The following CHRM2 variants were observed in gnomAD, a reference collection of about 807,000 sequenced individuals.
CHRM2 encodes the protein muscarinic acetylcholine receptor M2.
A neutral mutation model predicts 25.0 loss-of-function variants in CHRM2; 8 were observed. The ratio of observed to expected loss-of-function variants is 0.32; its 90% confidence interval spans 0.19 to 0.58. The LOEUF (loss-of-function observed/expected upper bound fraction) is 0.58. Among genes scored for constraint, CHRM2 ranks in the 20% least tolerant of loss-of-function variants. The probability of loss-of-function intolerance (pLI) is 0.88; values close to 1 mark genes in which losing one functional copy is unlikely to be tolerated. For synonymous variants in CHRM2, 202 were observed against 205.7 expected, an observed-to-expected ratio of 0.98 and a Z score of 0.15; for missense variants, 440 against 567.1, an observed-to-expected ratio of 0.78 and a Z score of 2.28.
intron 2 of CHRM2, among the ~76,000 whole-genome samples, chr7:136,959,710 G>A (rs949650121): frequency 7.2e-5 from 11 of 152,126 alleles, no homozygotes; most frequent in East Asian, 1.9e-4. Flanking sequence ...TCGGGAGTTC[G>A]AGACCAGCCT....
At chr7:136,901,109 C>T (rs923610986) in intron 2 of CHRM2, among the ~76,000 whole-genome samples, 2 of 152,068 alleles carry the variant, frequency 1.3e-5, no homozygotes, top group Non-Finnish European at 2.9e-5. Flanking sequence ...TTTCTTCCTG[C>T]AAGCCAGTAG....
At chr7:136,990,936 T>C (rs60161367) in intron 2 of CHRM2, among the ~76,000 whole-genome samples, 9,038 of 152,224 alleles carry the variant, frequency 0.059, 290 homozygotes, top group African/African-American at 0.085. Flanking sequence ...GTAGTAGTTA[T>C]CTCATTGTCT....
chr7:136,896,701 A>G (rs996334160), intron 2 of CHRM2, among the ~76,000 whole-genome samples: 1 of 152,180 alleles, frequency 6.6e-6, no homozygotes, highest in African/African-American at 2.4e-5. Flanking sequence ...AAGAATCACA[A>G]GAAGCGAGAA....
intron 3 of CHRM2, among the ~76,000 whole-genome samples, chr7:136,999,753 C>A (rs1461868725): frequency 6.6e-6 from 1 of 152,186 alleles, no homozygotes; most frequent in African/African-American, 2.4e-5. Flanking sequence ...ACAGATACTT[C>A]TGTTCCCAAC....
chr7:136,991,259 T>C (rs1803207504), intron 2 of CHRM2, among the ~76,000 whole-genome samples: 4 of 152,152 alleles, frequency 2.6e-5, no homozygotes, highest in Admixed American at 2.6e-4. Context: ...TTTTATAGCT[T>C]TGCATTTTAC....
intron 2 of CHRM2, among the ~76,000 whole-genome samples, chr7:136,924,487 T>A (rs952095791): frequency 6.6e-6 from 1 of 152,136 alleles, no homozygotes; most frequent in Non-Finnish European, 1.5e-5. Flanking sequence ...TTGTGATAGT[T>A]TGCTGAGAAT....
intron 2 of CHRM2, among the ~76,000 whole-genome samples, chr7:136,892,767 T>G (rs1422115864): frequency 6.6e-6 from 1 of 151,992 alleles, no homozygotes; most frequent in Non-Finnish European, 1.5e-5. Flanking sequence ...CCCCCTGGGT[T>G]CCATCGATTC....
Position 137,018,297 on chromosome 7 carries a change from A to C in CHRM2, c.*2031A>C, listed in dbSNP as rs1467623085. On this transcript the variant is annotated 3_prime_UTR_variant, in exon 4 of 4. Transcript: ENST00000680005. ...CCTTCGTAAAAACAATTTCCTGTTTAAATAACTTCAGTCATTACCCCCCCA... is the reference window on the plus strand; with the variant it reads ...CCTTCGTAAAAACAATTTCCTGTTTCAATAACTTCAGTCATTACCCCCCCA... The C allele has an allele frequency of 6.6e-6, 1 of 151,942 alleles. No homozygotes were observed. Among genetic ancestry groups the C allele is most frequent in the East Asian group, 1.9e-4 (1 of 5,156 alleles). The allele number at this position is 151,942 out of a possible 1,614,324, so 9.4% of individuals were successfully genotyped here. A position where few individuals can be genotyped will look rare whatever the true frequency, so the allele number is the denominator to read the frequency against.
At position 137,016,364 on chromosome 7, in the gene CHRM2, T is replaced by C; in HGVS notation, c.*98T>C. 8.1e-7 allele frequency: 1 copy of C among 1,237,462 alleles called. No homozygotes were observed. The highest frequency in any genetic ancestry group is 2.4e-5 in the East Asian group (1 of 40,922). 76.7% of individuals were successfully genotyped at this position (1,237,462 alleles called of 1,614,324 possible). ...TTTTAAAATCTCTGCCATTGCACTTTATAGTCTGATTACAAAACGTGCAAT... is the reference window on the plus strand; with the variant it reads ...TTTTAAAATCTCTGCCATTGCACTTCATAGTCTGATTACAAAACGTGCAAT... On this transcript the variant is annotated 3_prime_UTR_variant, in exon 4 of 4. Coordinates refer to ENST00000680005, the MANE Select transcript of CHRM2 (RefSeq NM_001006630.2).
At chr7:137,014,774 C>G in intron 3 of CHRM2, 46 bp from the exon 4 acceptor site, 1 of 1,154,448 alleles carries the variant, frequency 8.7e-7, no homozygotes, top group Non-Finnish European at 1.3e-6. Flanking sequence ...GTATTTTAAA[C>G]CAATGTTTAT....
Position 136,993,100 on chromosome 7 carries a change from C to T in CHRM2, c.-47+836C>T, listed in dbSNP as rs183473101. On this transcript the variant is annotated intron_variant, in intron 3 of 3. Coordinates refer to ENST00000680005, the MANE Select transcript of CHRM2 (RefSeq NM_001006630.2). ...CATAAAATTAACTATCAAAGTCATACAGTCATGATAGATACTGATGAGCTT... is the reference window on the plus strand; with the variant it reads ...CATAAAATTAACTATCAAAGTCATATAGTCATGATAGATACTGATGAGCTT... Among the ~76,000 whole-genome samples the T allele has an allele frequency of 2.0e-3, 311 of 152,282 alleles. 1 individual carries two copies. Among genetic ancestry groups the T allele is most frequent in the Non-Finnish European group, 3.4e-3 (228 of 68,030 alleles).
At position 137,016,506 on chromosome 7, in the gene CHRM2, T is replaced by C; in HGVS notation, c.*240T>C. The C allele has an allele frequency of 1.9e-6, 1 of 521,564 alleles. No individual in the cohort carries two copies. Among genetic ancestry groups the C allele is most frequent in the Non-Finnish European group, 3.6e-6 (1 of 281,254 alleles). The allele number at this position is 521,564 out of a possible 1,614,324, so 32.3% of individuals were successfully genotyped here. A position where few individuals can be genotyped will look rare whatever the true frequency, so the allele number is the denominator to read the frequency against. ...CAATGAAAGAAACATGTTGGGATCG[T>C]GGATTTAAGAAACTATACACTGTTT... On this transcript the variant is annotated 3_prime_UTR_variant, in exon 4 of 4. Coordinates refer to ENST00000680005, the MANE Select transcript of CHRM2 (RefSeq NM_001006630.2).
intron 2 of CHRM2, among the ~76,000 whole-genome samples, chr7:136,878,698 T>G (rs1277064113): frequency 6.6e-6 from 1 of 151,956 alleles, no homozygotes; most frequent in Non-Finnish European, 1.5e-5. Context: ...GCCCACCCGA[T>G]GTGGTAAATT....
chr7:136,899,348 G>C (rs1176809950), intron 2 of CHRM2: 1 of 152,180 alleles, frequency 6.6e-6, no homozygotes, highest in Admixed American at 6.6e-5. Flanking sequence ...CTGACCACAA[G>C]TGAATGCTCA....
chr7:136,995,240 C>T (rs324632), intron 3 of CHRM2, among the ~76,000 whole-genome samples: 133,239 of 152,042 alleles, frequency 0.88, 58,948 homozygotes, highest in Middle Eastern at 0.97. Context: ...GCAAAAAGAT[C>T]CCATTCACTG....
chr7:136,950,300 C>A (rs1200235290), intron 2 of CHRM2, among the ~76,000 whole-genome samples: 1 of 152,084 alleles, frequency 6.6e-6, no homozygotes, highest in Non-Finnish European at 1.5e-5. Flanking sequence ...TTCTGGGAGG[C>A]AAAAGGTCCC....
chr7:136,889,795 C>T lies in CHRM2; in HGVS notation c.-125+20377C>T, dbSNP rs185204587. Reference sequence around the variant, plus strand: ...ATTCATTTGGTTTGTTTAGCTATTGCGGACTGTTGCGGGAATGTTGTTTTT... The same window carrying T: ...ATTCATTTGGTTTGTTTAGCTATTGTGGACTGTTGCGGGAATGTTGTTTTT... On this transcript the variant is annotated intron_variant, in intron 2 of 3. Transcript: ENST00000680005. 7.2e-5 allele frequency among the ~76,000 whole-genome samples: 11 copies of T among 152,266 alleles called. No homozygotes were observed. In the East Asian group the frequency reaches 1.9e-3, roughly 27 times the overall value.
At chr7:136,930,201 C>T (rs560041094) in intron 2 of CHRM2, among the ~76,000 whole-genome samples, 10 of 151,468 alleles carry the variant, frequency 6.6e-5, no homozygotes, top group Non-Finnish European at 1.0e-4. Context: ...GGGAAGCCGA[C>T]GTGGGCAGAT....
chr7:136,927,827 T>G (rs932790223), intron 2 of CHRM2, among the ~76,000 whole-genome samples: 1 of 152,204 alleles, frequency 6.6e-6, no homozygotes, highest in African/African-American at 2.4e-5. Flanking sequence ...TTTAAGATTC[T>G]GTGCAGAAAA....
Sources: gnomAD v4.1 joint callset for allele counts (sites outside exome capture counted in the v4.1 genomes callset) on GRCh38, gnomAD v4.1.1 for gene constraint, MANE v1.5 for transcripts, NCBI Gene and HGNC (gene_info 2026-07-23, HGNC 2026-07-21) for gene names.